PRIMPOL: variants seen among roughly 807,000 people sequenced by gnomAD.
PRIMPOL encodes primase and DNA directed polymerase.
PRIMPOL carries 54 observed loss-of-function variants against 63.6 expected under a neutral mutation model. That is an observed-to-expected ratio of 0.85 (90% CI 0.68 to 1.07). PRIMPOL has a LOEUF of 1.07. Among genes scored for constraint, PRIMPOL ranks in the 50% least tolerant of loss-of-function variants. The pLI is 0.00. For missense variants in PRIMPOL, 610 were observed against 648.3 expected (o/e 0.94, Z 0.64); for synonymous variants, 197 against 220.2 (o/e 0.89, Z 0.93).
At position 184,661,771 on chromosome 4, in the gene PRIMPOL, T is replaced by G. The variant is rs758012767; in HGVS notation, c.279-3T>G. ...TTTAACAATCTTGAATTATTCAATT[T>G]AGAAAAAATCTCTTACACTGCTATG... On this transcript the variant is annotated splice_polypyrimidine_tract_variant and splice_region_variant and intron_variant, in intron 4 of 13. Transcript: ENST00000314970. The G allele has an allele frequency of 1.3e-5, 20 of 1,580,508 alleles. No individual in the cohort carries two copies. The African/African-American group carries it at 1.6e-4, about 13-fold the overall frequency.
At chr4:184,690,214 TTTAAGTTTGC>T (rs1758126441) in intron 11 of PRIMPOL, among the ~76,000 whole-genome samples, 1 of 152,210 alleles carries the variant, frequency 6.6e-6, no homozygotes, top group Non-Finnish European at 1.5e-5. Flanking sequence ...TCTGTTGCTT[TTTAAGTTTGC>T]TTAGTTTATT....
chr4:184,672,134 GAGA>G (rs1751947119), intron 6 of PRIMPOL, 36 bp from the exon 7 acceptor site: 1 of 1,540,120 alleles, frequency 6.5e-7, no homozygotes, highest in South Asian at 1.2e-5. Flanking sequence ...GCGGTGTGTG[GAGA>G]AGATCCAGGT....
chr4:184,666,223 T>C (rs870821), intron 6 of PRIMPOL, among the ~76,000 whole-genome samples, 159 bp downstream of exon 6: 25,846 of 152,202 alleles, frequency 0.17, 2,685 homozygotes, highest in African/African-American at 0.29. Context: ...CCTGCAATTC[T>C]AGCACTTGGG....
At chr4:184,673,162 C>T (rs1033915913) in intron 7 of PRIMPOL, among the ~76,000 whole-genome samples, 1 of 150,930 alleles carries the variant, frequency 6.6e-6, no homozygotes, top group Non-Finnish European at 1.5e-5. Context: ...CGGAGTCCCG[C>T]TCTTTAGCCC....
chr4:184,685,382 A>C, intron 9 of PRIMPOL, 27 bp from the exon 10 acceptor site: 1 of 1,501,454 alleles, frequency 6.7e-7, no homozygotes, highest in Non-Finnish European at 9.3e-7. Flanking sequence ...AGCTATTGTA[A>C]TTTATAAACC....
chr4:184,667,625 A>G (rs898619375), intron 6 of PRIMPOL, among the ~76,000 whole-genome samples: 3 of 151,828 alleles, frequency 2.0e-5, no homozygotes, highest in Non-Finnish European at 4.4e-5. Context: ...TGAGACTTTT[A>G]ATAACGGCCT....
intron 4 of PRIMPOL, 26 bp downstream of exon 4, chr4:184,659,463 C>T: frequency 3.4e-6 from 5 of 1,478,384 alleles, no homozygotes; most frequent in Non-Finnish European, 4.7e-6. Context: ...CAGAACCACA[C>T]ATTAAGCTAG....
intron 7 of PRIMPOL, among the ~76,000 whole-genome samples, chr4:184,674,993 C>T (rs1197910346): frequency 3.3e-5 from 5 of 152,102 alleles, no homozygotes; most frequent in Non-Finnish European, 4.4e-5. Context: ...TGGTGTTACT[C>T]GAGGTTTACA....
chr4:184,671,812 G>C (rs539847554), intron 6 of PRIMPOL, among the ~76,000 whole-genome samples: 3 of 145,514 alleles, frequency 2.1e-5, no homozygotes, highest in Non-Finnish European at 4.5e-5. Context: ...GCGCGATCTT[G>C]GCTCACTGCA....
chr4:184,676,887 TCCCCC>T, intron 7 of PRIMPOL, among the ~76,000 whole-genome samples: 1 of 170 alleles, frequency 5.9e-3, no homozygotes, highest in Admixed American at 0.056. Context: ...TCCCTTCTCC[TCCCCC>T]TTCCCCTCTC....
At chr4:184,692,256 T>C (rs1758787218) in intron 13 of PRIMPOL, among the ~76,000 whole-genome samples, 1 of 151,868 alleles carries the variant, frequency 6.6e-6, no homozygotes, top group South Asian at 2.1e-4. Flanking sequence ...GGCAGATCAC[T>C]TGAGGTCATG....
chr4:184,679,850 G>C (rs1021511021), intron 8 of PRIMPOL, among the ~76,000 whole-genome samples: 8 of 152,166 alleles, frequency 5.3e-5, no homozygotes, highest in Non-Finnish European at 1.5e-5. Context: ...GATGATCTGA[G>C]GTGGAACAGT....
intron 8 of PRIMPOL, among the ~76,000 whole-genome samples, 158 bp from the exon 9 acceptor site, chr4:184,682,088 GGT>G (rs1484114998): frequency 6.6e-6 from 1 of 152,068 alleles, no homozygotes; most frequent in Non-Finnish European, 1.5e-5. Context: ...TAGGGTTTGT[GGT>G]TTTGTGGGCA....
chr4:184,689,118 TGAGGACAGAGTGCA>T (rs1757776852), intron 11 of PRIMPOL, among the ~76,000 whole-genome samples: 1 of 152,116 alleles, frequency 6.6e-6, no homozygotes, highest in African/African-American at 2.4e-5. Context: ...GGCCCAGGCT[TGAGGACAGAGTGCA>T]GGAGCTCACT....
At chr4:184,659,466 T>G (rs975358468) in intron 4 of PRIMPOL, 29 bp downstream of exon 4, 1 of 1,445,880 alleles carries the variant, frequency 6.9e-7, no homozygotes, top group East Asian at 2.3e-5. Flanking sequence ...AACCACACAT[T>G]AAGCTAGAGT....
At position 184,691,681 on chromosome 4, in the gene PRIMPOL, C is replaced by A; in HGVS notation, c.1394C>A (p.Ala465Asp). 1 of 1,612,152 alleles carries A rather than the reference C, an allele frequency of 6.2e-7. No homozygotes were observed. The highest frequency in any genetic ancestry group is 8.5e-7 in the Non-Finnish European group (1 of 1,178,454). The change falls in exon 13 of 14, where the codon GCT (alanine) becomes GAT (aspartate). Residue 465 changes from alanine (A) to aspartate (D), a missense_variant. By Grantham distance (126) the Ala-to-Asp change is moderately radical. Coordinates refer to ENST00000314970, the MANE Select transcript of PRIMPOL (RefSeq NM_152683.4). ...TCTGATTCAGGTTTCCCATTACCTGCTGAAGTATGTCTCCTGTTTCTTTTC... is the reference window on the plus strand; with the variant it reads ...TCTGATTCAGGTTTCCCATTACCTGATGAAGTATGTCTCCTGTTTCTTTTC... The part of the protein sequence containing the change: ...NFKSDCFPLP[A>D]EVCLLFLFKE...
rs1751900270 is a variant in PRIMPOL, at chr4:184,672,015, C to T, written c.557-158C>T. Among the ~76,000 whole-genome samples, 5 of 152,200 alleles carry T rather than the reference C, an allele frequency of 3.3e-5. No homozygotes were observed. The South Asian group carries it at 1.0e-3, about 31-fold the overall frequency. On this transcript the variant is annotated intron_variant, in intron 6 of 13. Transcript: ENST00000314970. ...TCGGCCTCCCAAAGTGCTGGGATTA[C>T]AGGCGTGAGCCACTGTGCCCGGCAG...
At chr4:184,659,177 C>A (rs1407213665) in intron 3 of PRIMPOL, among the ~76,000 whole-genome samples, 163 bp from the exon 4 acceptor site, 2 of 152,138 alleles carry the variant, frequency 1.3e-5, no homozygotes, top group Non-Finnish European at 2.9e-5. Context: ...TTTTGAATGG[C>A]ATAAACCTAG....
At chr4:184,650,605 T>G (rs1744030572) in intron 1 of PRIMPOL, among the ~76,000 whole-genome samples, 1 of 152,256 alleles carries the variant, frequency 6.6e-6, no homozygotes, top group South Asian at 2.1e-4. Context: ...AATGGTGTGC[T>G]ATATACACTG....
Sources: allele counts gnomAD v4.1 joint callset (sites outside exome capture counted in the v4.1 genomes callset), GRCh38; gene constraint gnomAD v4.1.1; transcripts MANE v1.5; gene names NCBI Gene and HGNC (gene_info 2026-07-23, HGNC 2026-07-21).